Variants in TSPAN13 observed in about 807,000 individuals in gnomAD.
The protein encoded by TSPAN13 is tetraspanin-13.
TSPAN13 carries 18 observed loss-of-function variants against 26.9 expected under a neutral mutation model. That is an observed-to-expected ratio of 0.67 (90% CI 0.46 to 0.99). The LOEUF is 0.99. TSPAN13 is among the 50% of genes least tolerant of loss of function. The probability of loss-of-function intolerance (pLI) is 0.00; values close to 1 mark genes in which losing one functional copy is unlikely to be tolerated. For synonymous variants in TSPAN13, 116 were observed against 98.4 expected (o/e 1.18, Z -1.06); for missense variants, 201 against 249.6 (o/e 0.81, Z 1.31).
Position 16,779,049 on chromosome 7 carries a change from T to C in TSPAN13, c.473T>C (p.Ile158Thr), listed in dbSNP as rs1562521391. The change falls in exon 5 of 6, where the codon ATA becomes ACA. Residue 158 changes from isoleucine to threonine, a missense_variant. Physicochemically the swap from Ile to Thr is moderately conservative, Grantham distance 89. Coordinates refer to ENST00000262067, the MANE Select transcript of TSPAN13 (RefSeq NM_014399.4). ...DHSCSPCAPI[I>T]GEYAGEVLRF... is the part of the protein sequence containing the mutation. ...TCGTGCTCGCCATGTGCTCCAATCA[T>C]AGGAGAATATGCTGGAGAGGTTTTG... is the stretch of plus-strand genomic sequence containing the variant. 1 of 1,614,156 alleles carries C rather than the reference T, an allele frequency of 6.2e-7. No individual in the cohort carries two copies. The highest frequency in any genetic ancestry group is 8.5e-7 in the Non-Finnish European group (1 of 1,179,982).
chr7:16,767,459 G>A (rs1397250874), intron 1 of TSPAN13, among the ~76,000 whole-genome samples: 4 of 152,070 alleles, frequency 2.6e-5, no homozygotes, highest in South Asian at 4.1e-4. Flanking sequence ...TTCCCTAGTC[G>A]TGATGTTTGA....
chr7:16,766,488 T>A (rs748364141), intron 1 of TSPAN13, among the ~76,000 whole-genome samples: 3 of 152,216 alleles, frequency 2.0e-5, no homozygotes, highest in African/African-American at 4.8e-5. Flanking sequence ...TGAAACCATC[T>A]GAGTGTGATG....
chr7:16,753,796 A>AGCC lies in TSPAN13; in HGVS notation c.-163_-161dup, dbSNP rs28372720. 54 of 567,698 alleles carry AGCC rather than the reference A, an allele frequency of 9.5e-5. No individual in the cohort carries two copies. Among genetic ancestry groups the AGCC allele is most frequent in the Non-Finnish European group, 1.4e-4 (48 of 340,980 alleles). 35.2% of individuals were successfully genotyped at this position (567,698 alleles called of 1,614,324 possible). A position where few individuals can be genotyped will look rare whatever the true frequency, so the allele number is the denominator to read the frequency against. Reference sequence around the variant, plus strand: ...GGCCGCAGGTTCCAAAGCGGGTCCGAGCCGCCGCCGCGCGCGCGCCGCGCA... The same window carrying AGCC: ...GGCCGCAGGTTCCAAAGCGGGTCCGAGCCGCCGCCGCCGCGCGCGCGCCGCGCA... On this transcript the variant is annotated 5_prime_UTR_variant, in exon 1 of 6. Coordinates refer to ENST00000262067, the MANE Select transcript of TSPAN13 (RefSeq NM_014399.4).
intron 1 of TSPAN13, among the ~76,000 whole-genome samples, chr7:16,756,031 A>C (rs910542583): frequency 1.3e-5 from 2 of 152,172 alleles, no homozygotes; most frequent in African/African-American, 2.4e-5. Flanking sequence ...CATTTCTTAA[A>C]ATGAATTAGT....
chr7:16,754,009 C>G lies in TSPAN13; in HGVS notation c.42C>G (p.Cys14Trp), dbSNP rs1397498737. 3 of 1,613,520 alleles carry G rather than the reference C, an allele frequency of 1.9e-6. No individual in the cohort carries two copies. Among genetic ancestry groups the G allele is most frequent in the Non-Finnish European group, 8.5e-7 (1 of 1,179,778 alleles). ...TCGCGTGTTCCAAGAACTGCCTGTGCGCCCTCAACCTGCTTTACACCGTGA... is the reference window on the plus strand; with the variant it reads ...TCGCGTGTTCCAAGAACTGCCTGTGGGCCCTCAACCTGCTTTACACCGTGA... ...GGFACSKNCL[C>W]ALNLLYTLVS... is the part of the protein sequence containing the mutation. The change falls in exon 1 of 6, where the codon TGC becomes TGG. Residue 14 changes from cysteine to tryptophan, a missense_variant. Physicochemically the swap from Cys to Trp is radical, Grantham distance 215. Coordinates refer to ENST00000262067, the MANE Select transcript of TSPAN13 (RefSeq NM_014399.4).
chr7:16,763,796 G>C (rs1201945670), intron 1 of TSPAN13, among the ~76,000 whole-genome samples: 1 of 152,152 alleles, frequency 6.6e-6, no homozygotes, highest in African/African-American at 2.4e-5. Context: ...AGTCATTAAG[G>C]GTCGTACTGG....
chr7:16,775,070 A>C (rs866385980), intron 1 of TSPAN13, among the ~76,000 whole-genome samples: 1 of 152,196 alleles, frequency 6.6e-6, no homozygotes. Context: ...TCAGGCTTTT[A>C]AATGGTGCTA....
chr7:16,759,202 T>C (rs1164986174), intron 1 of TSPAN13, among the ~76,000 whole-genome samples: 1 of 152,098 alleles, frequency 6.6e-6, no homozygotes, highest in African/African-American at 2.4e-5. Flanking sequence ...ACGAAAGGTG[T>C]TAGACTGTTC....
chr7:16,754,073 A>G (rs757332408), intron 1 of TSPAN13, 43 bp downstream of exon 1: 36 of 1,597,232 alleles, frequency 2.3e-5, no homozygotes, highest in Non-Finnish European at 2.9e-5. Context: ...GGGGCTTTGC[A>G]CCTGCTTGGG....
At chr7:16,771,435 A>C (rs935130105) in intron 1 of TSPAN13, among the ~76,000 whole-genome samples, 2 of 152,232 alleles carry the variant, frequency 1.3e-5, no homozygotes, top group South Asian at 2.1e-4. Context: ...AGATGTGATT[A>C]AATGAAGAAT....
chr7:16,767,806 T>G (rs1053917803), intron 1 of TSPAN13, among the ~76,000 whole-genome samples: 8 of 152,242 alleles, frequency 5.3e-5, no homozygotes, highest in Admixed American at 1.3e-4. Context: ...ATGTGTTGAT[T>G]GGCCTTTCAA....
At position 16,758,567 on chromosome 7, in the gene TSPAN13, G is replaced by A. The variant is rs536082898; in HGVS notation, c.63+4537G>A. On this transcript the variant is annotated intron_variant, in intron 1 of 5. Transcript: ENST00000262067. The stretch of plus-strand genomic sequence containing the variant: ...CAGCTATTCTTCACAGGTAAAACTT[G>A]CATAAAGAAAACTCGTATAAAACAA... Among the ~76,000 whole-genome samples the A allele has an allele frequency of 4.4e-4, 67 of 152,254 alleles. No homozygotes were observed. In the South Asian group the frequency reaches 8.3e-3, roughly 19 times the overall value.
chr7:16,758,320 T>C (rs1172910365), intron 1 of TSPAN13, among the ~76,000 whole-genome samples: 1 of 152,216 alleles, frequency 6.6e-6, no homozygotes, highest in Non-Finnish European at 1.5e-5. Flanking sequence ...CTGAAACTTT[T>C]CCAACTCTGT....
intron 1 of TSPAN13, among the ~76,000 whole-genome samples, chr7:16,767,218 C>T (rs1389961882): frequency 6.6e-6 from 1 of 152,214 alleles, no homozygotes; most frequent in East Asian, 1.9e-4. Flanking sequence ...AAATCAAGAT[C>T]TGTCACTTCC....
At chr7:16,754,721 C>A (rs1246117647) in intron 1 of TSPAN13, among the ~76,000 whole-genome samples, 7 of 152,270 alleles carry the variant, frequency 4.6e-5, no homozygotes, top group African/African-American at 1.7e-4. Flanking sequence ...AGCGAGCCCC[C>A]ACCCAAGTCG....
intron 1 of TSPAN13, among the ~76,000 whole-genome samples, chr7:16,765,767 T>C (rs1223386133): frequency 1.3e-5 from 2 of 152,242 alleles, no homozygotes; most frequent in African/African-American, 4.8e-5. Flanking sequence ...GGAAGGAAAC[T>C]GTCATAGGTG....
intron 1 of TSPAN13, among the ~76,000 whole-genome samples, chr7:16,760,273 A>G (rs1011155753): frequency 3.9e-5 from 6 of 152,328 alleles, no homozygotes; most frequent in South Asian, 2.1e-4. Flanking sequence ...TTACAAGGCT[A>G]TTGCTATAAT....
At chr7:16,780,444 C>T (rs1784802402) in intron 5 of TSPAN13, among the ~76,000 whole-genome samples, 10 of 152,138 alleles carry the variant, frequency 6.6e-5, no homozygotes, top group Admixed American at 5.9e-4. Context: ...CCTCTTTAGT[C>T]TGACCATTTT....
At chr7:16,765,014 C>G (rs1028408900) in intron 1 of TSPAN13, among the ~76,000 whole-genome samples, 3 of 152,046 alleles carry the variant, frequency 2.0e-5, no homozygotes, top group African/African-American at 7.2e-5. Context: ...CTGCCTCGGC[C>G]TCCCAAAGTG....
Sources: gnomAD v4.1 joint callset for allele counts (sites outside exome capture counted in the v4.1 genomes callset) on GRCh38, gnomAD v4.1.1 for gene constraint, MANE v1.5 for transcripts, NCBI Gene and HGNC (gene_info 2026-07-23, HGNC 2026-07-21) for gene names.